The following MYRF variants were observed in gnomAD, a reference collection of about 807,000 sequenced individuals.
MYRF encodes myelin regulatory factor.
Under a neutral mutation model 126.3 loss-of-function variants are expected in MYRF, and 16 were observed. The observed-to-expected ratio is 0.13, with a 90% CI of 0.09 to 0.19. The LOEUF is 0.19. Ranked by LOEUF, MYRF falls within the 10% of genes least tolerant of loss-of-function variation. MYRF has a pLI of 1.00. For missense variants in MYRF, 1,104 were observed against 1,547.0 expected (o/e 0.71, Z 4.80); for synonymous variants, 608 against 635.3 (o/e 0.96, Z 0.65).
chr11:61,762,870 C>T (rs556564463), intron 1 of MYRF, among the ~76,000 whole-genome samples: 36 of 152,298 alleles, frequency 2.4e-4, no homozygotes, highest in African/African-American at 7.9e-4. Flanking sequence ...CCTCCTTCCT[C>T]CATCCTCCGT....
intron 7 of MYRF, among the ~76,000 whole-genome samples, chr11:61,773,191 T>C (rs946768158): frequency 4.6e-5 from 7 of 152,194 alleles, no homozygotes; most frequent in Middle Eastern, 3.4e-3. Context: ...GGTTTCACCA[T>C]GTTGGCCAGG....
chr11:61,780,753 G>T lies in MYRF; in HGVS notation c.2447G>T (p.Arg816Leu). 1 of 1,548,436 alleles carries T rather than the reference G, an allele frequency of 6.5e-7. No homozygotes were observed. The highest frequency in any genetic ancestry group is 8.7e-7 in the Non-Finnish European group (1 of 1,147,094). ...ACTTCCTGTCTCCTGGCCCTGCTCC[G>T]GCCCCAGCCCCCTGGGGGGAGTGAG... ...VSTSCLLALL[R>L]PQPPGGSEAL... Residue 816 changes from arginine (R) to leucine (L), a missense_variant, in exon 19 of 27, where the codon CGG (arginine) becomes CTG (leucine). Physicochemically the swap from Arg to Leu is moderately radical, Grantham distance 102. This residue lies in a region of MYRF where 323 missense variants were observed against 383.1 expected (regional missense o/e 0.84). Transcript: ENST00000278836.
At position 61,770,257 on chromosome 11, in the gene MYRF, C is replaced by T. The variant is rs2066175013; in HGVS notation, c.472C>T (p.Leu158=). 6.2e-7 allele frequency: 1 copy of T among 1,607,548 alleles called. No individual in the cohort carries two copies. Among genetic ancestry groups the T allele is most frequent in the Non-Finnish European group, 8.5e-7 (1 of 1,178,340 alleles). ...SPQQVNEPHL[L]RTITPETLCH... The stretch of plus-strand genomic sequence containing the variant: ...CATCTCTCCTGCAGAGCCCCACCTC[C>T]TGCGCACGATAACCCCTGAGACACT... The change falls in exon 5 of 27, where the codon CTG becomes TTG. Residue 158 remains leucine, a synonymous_variant. Transcript: ENST00000278836.
At chr11:61,762,500 C>T (rs1049224287) in intron 1 of MYRF, among the ~76,000 whole-genome samples, 2 of 152,208 alleles carry the variant, frequency 1.3e-5, no homozygotes, top group African/African-American at 4.8e-5. Flanking sequence ...CTGGCAGGTA[C>T]CCCTGCTTGG....
intron 8 of MYRF, among the ~76,000 whole-genome samples, 176 bp from the exon 9 acceptor site, chr11:61,775,880 G>C (rs568024421): frequency 2.0e-5 from 3 of 151,878 alleles, no homozygotes; most frequent in South Asian, 2.1e-4. Flanking sequence ...AGTAGGGTGT[G>C]GGGGGGTGTG....
At chr11:61,761,151 G>C (rs569384435) in intron 1 of MYRF, among the ~76,000 whole-genome samples, 82 of 152,282 alleles carry the variant, frequency 5.4e-4, no homozygotes, top group African/African-American at 2.0e-3. Flanking sequence ...CCTCATTGAC[G>C]GGGCAGGGGA....
At chr11:61,781,504 C>A in intron 21 of MYRF, 69 bp from the exon 22 acceptor site, 1 of 1,569,538 alleles carries the variant, frequency 6.4e-7, no homozygotes, top group Non-Finnish European at 8.6e-7. Flanking sequence ...TCTTGTGGGG[C>A]CCTAGAGACA....
At chr11:61,759,599 G>A (rs1327367873) in intron 1 of MYRF, among the ~76,000 whole-genome samples, 2 of 152,122 alleles carry the variant, frequency 1.3e-5, no homozygotes, top group African/African-American at 4.8e-5. Flanking sequence ...GAACTCAGGA[G>A]GCGGAAGTTG....
chr11:61,765,517 C>A, intron 1 of MYRF, 108 bp from the exon 2 acceptor site: 1 of 798,102 alleles, frequency 1.3e-6, no homozygotes, highest in South Asian at 1.8e-5. Context: ...GGAGCAGGGG[C>A]ATCTGTTTTG....
chr11:61,766,055 C>A lies in MYRF; in HGVS notation c.232C>A (p.Pro78Thr). 1 of 1,603,310 alleles carries A rather than the reference C, an allele frequency of 6.2e-7. No individual in the cohort carries two copies. ...GSSGVHHLSP[P>T]GGGPSPGRHG... ...CAGCGGGGTCCACCACCTGAGCCCC[C>A]CTGGGGGTGGACCCTCCCCGGGGCG... The change falls in exon 3 of 27, where the codon CCT becomes ACT. Residue 78 changes from proline to threonine, a missense_variant. Around this residue, in one of 10 missense-constraint regions of MYRF, gnomAD observed 368 missense variants for 403.9 expected, o/e 0.91. Transcript: ENST00000278836.
Position 61,771,647 on chromosome 11 carries a change from C to T in MYRF, c.888C>T (p.Pro296=), listed in dbSNP as rs750236105. 1 of 1,613,974 alleles carries T rather than the reference C, an allele frequency of 6.2e-7. No individual in the cohort carries two copies. Residue 296 remains proline, a synonymous_variant, in exon 6 of 27, where the codon CCC becomes CCT. Transcript: ENST00000278836. Reference sequence around the variant, plus strand: ...ACCCCACTCGAGCCCCATCGCCACCCTGGCCTCCCCAGGGTCCGCTCTCCC... The same window carrying T: ...ACCCCACTCGAGCCCCATCGCCACCTTGGCCTCCCCAGGGTCCGCTCTCCC... ...PLHPTRAPSP[P]WPPQGPLSPG... is the part of the protein sequence containing the mutation.
In MYRF at chr11:61,776,583, T is replaced by C. The variant is rs2066389892; in HGVS notation, c.1499+151T>C. 3 of 761,528 alleles carry C rather than the reference T, an allele frequency of 3.9e-6. No homozygotes were observed. The highest frequency in any genetic ancestry group is 5.5e-5 in the Admixed American group (2 of 36,128). 47.2% of individuals were successfully genotyped at this position (761,528 alleles called of 1,614,324 possible). On this transcript the variant is annotated intron_variant, in intron 10 of 26. Coordinates refer to ENST00000278836, the MANE Select transcript of MYRF (RefSeq NM_001127392.3). The surrounding 1 kb of genome is among the most constrained non-coding windows in gnomAD (Gnocchi z 4.3). ...TTAGAGCCCTTCATTGACTTAAGGA[T>C]GGGAAGAGCAGAAGCCTGGCTTCTG...
chr11:61,778,714 C>CA lies in MYRF; in HGVS notation c.2013+227dup. Reference sequence around the variant, plus strand: ...CCCCTGGAGCCTGTGTGATCAAGGGCAAGAGAAACCCTGTGGAGGGCCATG... The same window carrying CA: ...CCCCTGGAGCCTGTGTGATCAAGGGCAAAGAGAAACCCTGTGGAGGGCCATG... On this transcript the variant is annotated intron_variant, in intron 14 of 26. Transcript: ENST00000278836. The surrounding 1 kb of genome is among the most constrained non-coding windows in gnomAD (Gnocchi z 4.6). 1.5e-6 allele frequency: 1 copy of CA among 654,514 alleles called. No individual in the cohort carries two copies. Among genetic ancestry groups the CA allele is most frequent in the Non-Finnish European group, 2.8e-6 (1 of 354,448 alleles). 40.5% of individuals were successfully genotyped at this position (654,514 alleles called of 1,614,324 possible). A position where few individuals can be genotyped will look rare whatever the true frequency, so the allele number is the denominator to read the frequency against.
chr11:61,772,004 GCCCCAGCCCAGGACCCCATCAAGGT>G lies in MYRF; in HGVS notation c.1115+55_1115+79del, dbSNP rs773458677. ...CCTCCAGGCCCCCCCACCTTGGGACGCCCCAGCCCAGGACCCCATCAAGGTCCTGGAGCAGGGCCTGGGAGCACTC... is the reference window on the plus strand; with the variant it reads ...CCTCCAGGCCCCCCCACCTTGGGACGCCTGGAGCAGGGCCTGGGAGCACTC... On this transcript the variant is annotated intron_variant, in intron 7 of 26. Coordinates refer to ENST00000278836, the MANE Select transcript of MYRF (RefSeq NM_001127392.3). The G allele has an allele frequency of 6.3e-5, 101 of 1,605,628 alleles. No homozygotes were observed. In the African/African-American group the frequency reaches 1.1e-3, roughly 17 times the overall value.
chr11:61,780,116 T>G (rs951283315), intron 17 of MYRF, 106 bp from the exon 18 acceptor site: 10 of 1,396,692 alleles, frequency 7.2e-6, no homozygotes, highest in Non-Finnish European at 9.0e-6. Context: ...TTTGTAGGCA[T>G]CACCTGGGAG....
rs2066678948 is a variant in MYRF at position 61,785,786 on chromosome 11, TC to T, written c.3301-11del. 6.2e-7 allele frequency: 1 copy of T among 1,612,640 alleles called. No homozygotes were observed. The highest frequency in any genetic ancestry group is 1.3e-5 in the African/African-American group (1 of 75,028). On this transcript the variant is annotated splice_polypyrimidine_tract_variant and intron_variant, in intron 25 of 26. Transcript: ENST00000278836. ...GCAGCAGTCTGTCCTGACCCCTCTC[TC>T]CCTTCTCTCCAGGGCACCTCTCACC...
intron 17 of MYRF, 118 bp downstream of exon 17, chr11:61,780,048 G>T: frequency 8.2e-7 from 1 of 1,220,928 alleles, no homozygotes; most frequent in Non-Finnish European, 1.2e-6. Context: ...GGGAGATCAG[G>T]CAGCTGAGGT....
chr11:61,761,262 G>GC (rs1555053539), intron 1 of MYRF, among the ~76,000 whole-genome samples: 2 of 144,050 alleles, frequency 1.4e-5, no homozygotes, highest in East Asian at 2.0e-4. Context: ...CAGCTGGTGG[G>GC]GGGGGGGGCA....
chr11:61,767,717 G>A (rs1454340780), intron 3 of MYRF, among the ~76,000 whole-genome samples: 2 of 151,024 alleles, frequency 1.3e-5, no homozygotes, highest in Non-Finnish European at 2.9e-5. Context: ...CCAGCTACTC[G>A]AGAGGCTGAG....
Sources: allele counts gnomAD v4.1 joint callset (sites outside exome capture counted in the v4.1 genomes callset), GRCh38; gene constraint gnomAD v4.1.1; regional missense constraint gnomAD v4.1.1; non-coding constraint Gnocchi (gnomAD v3.1); transcripts MANE v1.5; gene names NCBI Gene and HGNC (gene_info 2026-07-23, HGNC 2026-07-21).